ATG5: variants seen among roughly 807,000 people sequenced by gnomAD.
The protein encoded by ATG5 is autophagy related 5, also known as autophagy protein 5.
A neutral mutation model predicts 36.5 loss-of-function variants in ATG5; 14 were observed. That is an observed-to-expected ratio of 0.38 (90% CI 0.25 to 0.60). The LOEUF (loss-of-function observed/expected upper bound fraction) is 0.60, where lower values mean the gene tolerates loss of function less well. Ranked by LOEUF, ATG5 falls within the 20% of genes least tolerant of loss-of-function variation. The pLI, the probability that ATG5 is intolerant of heterozygous loss-of-function variation, is 0.60. For synonymous variants in ATG5, 95 were observed against 101.5 expected (o/e 0.94, Z 0.38); for missense variants, 195 against 326.7 (o/e 0.60, Z 3.11).
chr6:106,229,165 T>C (rs1371642105), intron 6 of ATG5, among the ~76,000 whole-genome samples: 2 of 152,226 alleles, frequency 1.3e-5, no homozygotes, highest in Non-Finnish European at 2.9e-5. Context: ...GAGACTTTCA[T>C]TTCCTCTAGC....
chr6:106,316,213 C>T lies in ATG5; in HGVS notation c.-5G>A, dbSNP rs1770842227. 6.2e-7 allele frequency: 1 copy of T among 1,612,130 alleles called. No individual in the cohort carries two copies. The highest frequency in any genetic ancestry group is 8.5e-7 in the Non-Finnish European group (1 of 1,178,536). On this transcript the variant is annotated 5_prime_UTR_variant, in exon 2 of 8. It introduces an in-frame stop codon into an upstream open reading frame of the 5' UTR. Transcript: ENST00000369076. ...CACATCTTTGTCATCTGTCATTCTTCCAGGAGTTAAAGCAGTACATACAGG... is the reference window on the plus strand; with the variant it reads ...CACATCTTTGTCATCTGTCATTCTTTCAGGAGTTAAAGCAGTACATACAGG...
intron 3 of ATG5, among the ~76,000 whole-genome samples, chr6:106,294,861 A>AAAAAAAAAAAAG (rs1780476178): frequency 6.6e-6 from 1 of 150,952 alleles, no homozygotes; most frequent in Non-Finnish European, 1.5e-5. Flanking sequence ...AAAAAAAAAA[A>AAAAAAAAAAAAG]GAATTTAGGA....
intron 5 of ATG5, among the ~76,000 whole-genome samples, chr6:106,263,132 G>A (rs368991803): frequency 7.9e-5 from 12 of 152,246 alleles, no homozygotes; most frequent in East Asian, 5.8e-4. Context: ...GTCTAAAGTC[G>A]ACCTGGAATG....
chr6:106,204,582 G>C (rs1244787461), intron 6 of ATG5, among the ~76,000 whole-genome samples: 1 of 152,132 alleles, frequency 6.6e-6, no homozygotes, highest in African/African-American at 2.4e-5. Context: ...TGTGTCGAGG[G>C]AGGGAGGTGA....
Position 106,309,511 on chromosome 6 carries a change from G to A in ATG5, c.109-1020C>T, listed in dbSNP as rs182588565. Reference sequence around the variant, plus strand: ...AATACTATGAACAAGCTGCTGAATAGTATTATGCATTCAACAGAATATAAG... The same window carrying A: ...AATACTATGAACAAGCTGCTGAATAATATTATGCATTCAACAGAATATAAG... On this transcript the variant is annotated intron_variant, in intron 2 of 7. Coordinates refer to ENST00000369076, the MANE Select transcript of ATG5 (RefSeq NM_004849.4). Among the ~76,000 whole-genome samples the A allele has an allele frequency of 2.0e-4, 30 of 152,180 alleles. 1 individual carries two copies. The highest frequency in any genetic ancestry group is 1.7e-3 in the Admixed American group (26 of 15,290).
chr6:106,191,248 T>G (rs1390976343), intron 7 of ATG5, among the ~76,000 whole-genome samples: 1 of 152,146 alleles, frequency 6.6e-6, no homozygotes, highest in Non-Finnish European at 1.5e-5. Context: ...CAGTGTAGAA[T>G]TTTTCTACAA....
At chr6:106,207,643 A>G (rs548036584) in intron 6 of ATG5, among the ~76,000 whole-genome samples, 52 of 152,380 alleles carry the variant, frequency 3.4e-4, no homozygotes, top group African/African-American at 1.2e-3. Flanking sequence ...TAACGTTGAT[A>G]AAACAAGAAA....
chr6:106,224,185 G>A (rs1012375232), intron 6 of ATG5, among the ~76,000 whole-genome samples: 16 of 152,188 alleles, frequency 1.1e-4, no homozygotes, highest in African/African-American at 3.9e-4. Context: ...AGATGTTTAG[G>A]GGAATAGCAT....
chr6:106,205,686 CT>C (rs989885368), intron 6 of ATG5, among the ~76,000 whole-genome samples: 18 of 151,902 alleles, frequency 1.2e-4, no homozygotes, highest in Non-Finnish European at 2.4e-4. Context: ...TTTTATATAT[CT>C]TTTTTTTCAC....
intron 4 of ATG5, among the ~76,000 whole-genome samples, chr6:106,282,050 C>A (rs975405720): frequency 6.6e-6 from 1 of 152,164 alleles, no homozygotes; most frequent in South Asian, 2.1e-4. Context: ...TTTATGGTTG[C>A]ATATGTAAAT....
rs1184351009 is a variant in ATG5 at position 106,185,489 on chromosome 6, T to C, written c.*1051A>G. Reference sequence around the variant, plus strand: ...AACTCCAGTAACCTCTGGATATTTTTGGTAAAAATTAAAGAAAAGGTACTG... The same window carrying C: ...AACTCCAGTAACCTCTGGATATTTTCGGTAAAAATTAAAGAAAAGGTACTG... On this transcript the variant is annotated 3_prime_UTR_variant, in exon 8 of 8. Coordinates refer to ENST00000369076, the MANE Select transcript of ATG5 (RefSeq NM_004849.4). The C allele has an allele frequency of 6.6e-6, 1 of 152,284 alleles. No homozygotes were observed. The highest frequency in any genetic ancestry group is 1.9e-4 in the East Asian group (1 of 5,340). 9.4% of individuals were successfully genotyped at this position (152,284 alleles called of 1,614,324 possible).
At chr6:106,195,982 G>A (rs1028041319) in intron 7 of ATG5, among the ~76,000 whole-genome samples, 1 of 152,082 alleles carries the variant, frequency 6.6e-6, no homozygotes, top group African/African-American at 2.4e-5. Flanking sequence ...ATCTTGTCTT[G>A]TAACCTGGGT....
At chr6:106,243,454 G>T (rs942694216) in intron 6 of ATG5, among the ~76,000 whole-genome samples, 17 of 151,678 alleles carry the variant, frequency 1.1e-4, no homozygotes, top group Non-Finnish European at 2.4e-4. Flanking sequence ...CTTGAGCCGG[G>T]AAGGCAGAGG....
chr6:106,270,850 ATTCC>A (rs1779427715), intron 5 of ATG5, among the ~76,000 whole-genome samples: 1 of 152,004 alleles, frequency 6.6e-6, no homozygotes, highest in Admixed American at 6.6e-5. Flanking sequence ...CCCAGGAATA[ATTCC>A]TTCCTTGTTT....
At chr6:106,279,173 C>T (rs1380387157) in intron 5 of ATG5, among the ~76,000 whole-genome samples, 2 of 152,164 alleles carry the variant, frequency 1.3e-5, no homozygotes, top group Non-Finnish European at 2.9e-5. Flanking sequence ...GAGATGAGCA[C>T]CACATTCCAC....
intron 7 of ATG5, among the ~76,000 whole-genome samples, chr6:106,187,711 T>C (rs2114299005): frequency 6.6e-6 from 1 of 152,282 alleles, no homozygotes; most frequent in East Asian, 1.9e-4. Flanking sequence ...GACTTTTGAA[T>C]CTGTAAGTGC....
intron 6 of ATG5, among the ~76,000 whole-genome samples, chr6:106,241,913 C>T (rs1453546106): frequency 6.6e-6 from 1 of 152,022 alleles, no homozygotes; most frequent in South Asian, 2.1e-4. Flanking sequence ...AAATCTCTCT[C>T]TACACAAACA....
intron 6 of ATG5, among the ~76,000 whole-genome samples, chr6:106,224,641 C>A (rs1171807028): frequency 6.6e-6 from 1 of 151,990 alleles, no homozygotes; most frequent in Admixed American, 6.6e-5. Context: ...TTTGGGAGGC[C>A]TGGGTGGGCG....
chr6:106,246,432 CCTT>C (rs1778343136), intron 6 of ATG5, among the ~76,000 whole-genome samples: 4 of 132,204 alleles, frequency 3.0e-5, no homozygotes, highest in Non-Finnish European at 5.0e-5. Context: ...ACACACACAC[CCTT>C]TCTCTCTCTC....
Sources: allele counts gnomAD v4.1 joint callset (sites outside exome capture counted in the v4.1 genomes callset), GRCh38; gene constraint gnomAD v4.1.1; transcripts MANE v1.5; gene names NCBI Gene and HGNC (gene_info 2026-07-23, HGNC 2026-07-21).